Variants in ANKRD36C observed in about 807,000 individuals in gnomAD.
ANKRD36C encodes ankyrin repeat domain-containing protein 36C.
Under a neutral mutation model 276.4 loss-of-function variants are expected in ANKRD36C, and 61 were observed. The ratio of observed to expected loss-of-function variants is 0.22; its 90% CI spans 0.18 to 0.27. The LOEUF is 0.27. Among genes scored for constraint, ANKRD36C ranks in the 10% least tolerant of loss-of-function variants. The pLI is 1.00. For synonymous variants in ANKRD36C, 483 were observed against 680.1 expected, an observed-to-expected ratio of 0.71 and a Z score of 4.51; for missense variants, 1,447 against 2,032.3, an observed-to-expected ratio of 0.71 and a Z score of 5.54.
chr2:95,980,129 T>C (rs1678887384), intron 5 of ANKRD36C, among the ~76,000 whole-genome samples: 1 of 152,048 alleles, frequency 6.6e-6, no homozygotes, highest in Non-Finnish European at 1.5e-5. Flanking sequence ...ACAGAATCAA[T>C]GAAAACAAAG....
intron 46 of ANKRD36C, among the ~76,000 whole-genome samples, chr2:95,890,359 A>G (rs1406414727): frequency 6.6e-6 from 1 of 151,508 alleles, no homozygotes; most frequent in Non-Finnish European, 1.5e-5. Context: ...AGGATCCCAC[A>G]TGTGTTTCAT....
chr2:95,921,761 T>C (rs1373053061), intron 33 of ANKRD36C, 21 bp downstream of exon 33: 4 of 1,599,172 alleles, frequency 2.5e-6, no homozygotes, highest in Non-Finnish European at 3.4e-6. Flanking sequence ...TAGTTCACAA[T>C]ATAAATGAAA....
chr2:95,908,566 T>G lies in ANKRD36C; in HGVS notation c.2653+3678A>C, dbSNP rs769845127. On this transcript the variant is annotated intron_variant, in intron 42 of 66. Coordinates refer to ENST00000456556, the Ensembl canonical transcript of ANKRD36C. ...TATTCAAAAGAGAATCTTTCTCATCTCTTGTAGCCTGAATGGAATTTGAAA... is the reference window on the plus strand; with the variant it reads ...TATTCAAAAGAGAATCTTTCTCATCGCTTGTAGCCTGAATGGAATTTGAAA... The G allele has an allele frequency of 7.1e-6, 11 of 1,556,838 alleles. No individual in the cohort carries two copies. The Admixed American group carries it at 1.5e-4, about 21-fold the overall frequency.
At chr2:95,892,525 A>C (rs913928830) in intron 44 of ANKRD36C, among the ~76,000 whole-genome samples, 3 of 151,532 alleles carry the variant, frequency 2.0e-5, no homozygotes, top group African/African-American at 7.3e-5. Context: ...CGTGGCACCA[A>C]AGGACAATAT....
At chr2:95,859,784 G>A (rs145519218) in intron 61 of ANKRD36C, 77 bp downstream of exon 81, 85 of 1,479,282 alleles carry the variant, frequency 5.7e-5, no homozygotes, top group Middle Eastern at 2.4e-4. Flanking sequence ...AGGAAAGTTC[G>A]CAATTACAAA....
Position 95,925,505 on chromosome 2 carries a change from G to A in ANKRD36C, c.1968+14C>T. 6.5e-7 allele frequency: 1 copy of A among 1,549,392 alleles called. No homozygotes were observed. The highest frequency in any genetic ancestry group is 8.7e-7 in the Non-Finnish European group (1 of 1,146,532). ...GTAATAAATAATTCAAAATATAAAT[G>A]AAAGAGTAACTACCTTCCAGGCTGA... On this transcript the variant is annotated intron_variant, in intron 29 of 66. Transcript: ENST00000456556.
chr2:95,866,689 A>C (rs1659855901), intron 60 of ANKRD36C, among the ~76,000 whole-genome samples: 1 of 152,114 alleles, frequency 6.6e-6, no homozygotes. Context: ...AATAGAAAAT[A>C]GTACAAATAT....
chr2:95,850,590 G>A (rs1675272094), downstream of ANKRD36C, among the ~76,000 whole-genome samples: 1 of 152,228 alleles, frequency 6.6e-6, no homozygotes. Flanking sequence ...GCAGAGTATG[G>A]TAAGTGGCGA....
intron 12 of ANKRD36C, among the ~76,000 whole-genome samples, chr2:95,958,177 C>T (rs1236047177): frequency 6.6e-6 from 1 of 152,054 alleles, no homozygotes. Context: ...CATTACTTCT[C>T]GTTCTATAGT....
chr2:95,989,541 T>A (rs1431562120), intron 1 of ANKRD36C, among the ~76,000 whole-genome samples: 1 of 151,954 alleles, frequency 6.6e-6, no homozygotes, highest in Non-Finnish European at 1.5e-5. Context: ...GCACTGAAAT[T>A]TATTGATAAA....
In ANKRD36C at chr2:95,991,418, C is replaced by T. The variant is rs1679136643; in HGVS notation, c.197+94G>A. ...TAGCCCCCGTCCATACCCCGAGCCC[C>T]GGACCATCCGCCCCGCAGCCCTCAG... On this transcript the variant is annotated intron_variant, in intron 1 of 66. Coordinates refer to ENST00000456556, the Ensembl canonical transcript of ANKRD36C. 4.2e-6 allele frequency: 6 copies of T among 1,443,032 alleles called. No individual in the cohort carries two copies. In the South Asian group the frequency reaches 5.4e-5, roughly 13 times the overall value. The allele number at this position is 1,443,032 out of a possible 1,614,324, so 89.4% of individuals were successfully genotyped here.
At chr2:95,983,582 A>ATCAT (rs569505882) in intron 3 of ANKRD36C, among the ~76,000 whole-genome samples, 168 of 149,668 alleles carry the variant, frequency 1.1e-3, no homozygotes, top group African/African-American at 3.4e-3. Flanking sequence ...AATTATTTGC[A>ATCAT]TCATTTATTT....
chr2:95,867,401 G>A (rs1573727255), intron 60 of ANKRD36C, 39 bp downstream of exon 80: 2 of 779,900 alleles, frequency 2.6e-6, no homozygotes, highest in Non-Finnish European at 4.1e-6. Flanking sequence ...CATTGCTATA[G>A]GATTTTTAAA....
chr2:95,880,825 G>C (rs1216096821), intron 56 of ANKRD36C, among the ~76,000 whole-genome samples: 1 of 152,136 alleles, frequency 6.6e-6, no homozygotes, highest in Non-Finnish European at 1.5e-5. Context: ...AAAACATACA[G>C]TTACAAGTTA....
At chr2:95,941,505 C>T (rs527916790) in intron 19 of ANKRD36C, among the ~76,000 whole-genome samples, 18 of 152,298 alleles carry the variant, frequency 1.2e-4, no homozygotes, top group African/African-American at 4.3e-4. Flanking sequence ...ATTTAGGGTC[C>T]TATTTTTAAA....
At position 95,916,320 on chromosome 2, in the gene ANKRD36C, A is replaced by G. The variant is rs1008124682; in HGVS notation, c.2348-149T>C. On this transcript the variant is annotated intron_variant, in intron 36 of 66. Coordinates refer to ENST00000456556, the Ensembl canonical transcript of ANKRD36C. ...CTACTTTGTGTCTGGGGACTAGAAC[A>G]TGACAGAAATACACTGAAAAAAGGG... 123 of 1,385,658 alleles carry G rather than the reference A, an allele frequency of 8.9e-5. No individual in the cohort carries two copies. The African/African-American group carries it at 1.1e-3, about 12-fold the overall frequency. 85.8% of individuals were successfully genotyped at this position (1,385,658 alleles called of 1,614,324 possible). A position where few individuals can be genotyped will look rare whatever the true frequency, so the allele number is the denominator to read the frequency against.
intron 8 of ANKRD36C, 110 bp downstream of exon 8, chr2:95,962,242 C>T: frequency 7.8e-7 from 1 of 1,287,236 alleles, no homozygotes; most frequent in Non-Finnish European, 1.1e-6. Context: ...AATCTCAGGC[C>T]TGCTGAATCA....
intron 14 of ANKRD36C, among the ~76,000 whole-genome samples, chr2:95,951,692 T>A (rs1678201722): frequency 6.6e-6 from 1 of 152,308 alleles, no homozygotes. Context: ...CACAACAAAC[T>A]AGGACAAAAA....
chr2:95,935,333 A>G, intron 24 of ANKRD36C, 121 bp downstream of exon 24: 1 of 1,066,712 alleles, frequency 9.4e-7, no homozygotes, highest in Non-Finnish European at 1.3e-6. Flanking sequence ...CAGCATCAGC[A>G]TCATTTAGAT....
Sources: allele counts gnomAD v4.1 joint callset (sites outside exome capture counted in the v4.1 genomes callset), GRCh38; gene constraint gnomAD v4.1.1; transcripts MANE v1.5; gene names NCBI Gene and HGNC (gene_info 2026-07-23, HGNC 2026-07-21).